The following ADCY2 variants were observed in gnomAD, a reference collection of about 807,000 sequenced individuals.
The protein encoded by ADCY2 is adenylate cyclase type 2.
Under a neutral mutation model 125.2 loss-of-function variants are expected in ADCY2, and 31 were observed. The observed-to-expected ratio is 0.25, with a 90% confidence interval of 0.19 to 0.33. ADCY2 has a LOEUF of 0.33. ADCY2 is among the 10% of genes least tolerant of loss of function. The pLI is 1.00. For synonymous variants in ADCY2, 512 were observed against 548.4 expected, an observed-to-expected ratio of 0.93 and a Z score of 0.93; for missense variants, 904 against 1,418.2, an observed-to-expected ratio of 0.64 and a Z score of 5.82.
At chr5:7,429,417 C>T (rs1740508148) in intron 2 of ADCY2, among the ~76,000 whole-genome samples, 1 of 152,118 alleles carries the variant, frequency 6.6e-6, no homozygotes, top group African/African-American at 2.4e-5. Flanking sequence ...ACAAGTTGAC[C>T]TAATTCATCT....
intron 15 of ADCY2, among the ~76,000 whole-genome samples, chr5:7,753,177 G>A (rs550715699): frequency 2.0e-5 from 3 of 152,242 alleles, no homozygotes; most frequent in South Asian, 2.1e-4. Flanking sequence ...GATTACAGGC[G>A]TGAGCCACAG....
At chr5:7,507,327 G>A (rs1190665366) in intron 2 of ADCY2, among the ~76,000 whole-genome samples, 3 of 138,548 alleles carry the variant, frequency 2.2e-5, no homozygotes, top group Non-Finnish European at 1.6e-5. Context: ...TGTAGTCCCA[G>A]CTACTTGGGA....
intron 3 of ADCY2, among the ~76,000 whole-genome samples, chr5:7,596,525 A>C (rs1264021952): frequency 1.3e-5 from 2 of 152,214 alleles, no homozygotes; most frequent in Non-Finnish European, 2.9e-5. Flanking sequence ...TAATTCCCTC[A>C]TCTGAGGCAA....
Position 7,804,069 on chromosome 5 carries a change from A to AGAGAGC in ADCY2, c.2776-515_2776-510dup, listed in dbSNP as rs1553990878. ...GAGAGAGAGAGAGAGAGAGAGAGAG[A>AGAGAGC]GAGAGCTGGTTTCTCTTCCTAATAC... On this transcript the variant is annotated intron_variant, in intron 21 of 24. Transcript: ENST00000338316. Among the ~76,000 whole-genome samples the AGAGAGC allele has an allele frequency of 2.0e-3, 278 of 140,408 alleles. 2 individuals are homozygous for AGAGAGC. Among genetic ancestry groups the AGAGAGC allele is most frequent in the African/African-American group, 3.0e-3 (111 of 37,106 alleles). The allele number at this position is 140,408 out of a possible 152,430, so 92.1% of individuals were successfully genotyped here. A position where few individuals can be genotyped will look rare whatever the true frequency, so the allele number is the denominator to read the frequency against.
At chr5:7,589,379 C>G in intron 3 of ADCY2, among the ~76,000 whole-genome samples, 1 of 42,832 alleles carries the variant, frequency 2.3e-5, no homozygotes, top group South Asian at 8.1e-4. Flanking sequence ...TGTCCACTGG[C>G]AAAAAAAAAG....
intron 3 of ADCY2, among the ~76,000 whole-genome samples, chr5:7,602,704 A>G (rs1473413298): frequency 6.6e-6 from 1 of 152,148 alleles, no homozygotes; most frequent in Non-Finnish European, 1.5e-5. Context: ...TGCCACATAC[A>G]TAGCTTTTGT....
chr5:7,549,101 T>C (rs1041705634), intron 3 of ADCY2, among the ~76,000 whole-genome samples: 1 of 152,232 alleles, frequency 6.6e-6, no homozygotes, highest in Non-Finnish European at 1.5e-5. Flanking sequence ...CATTTTCTTC[T>C]AGTTCTTACA....
At chr5:7,678,263 G>A (rs1191225948) in intron 4 of ADCY2, among the ~76,000 whole-genome samples, 8 of 152,084 alleles carry the variant, frequency 5.3e-5, no homozygotes. Flanking sequence ...TGGGCCACAT[G>A]TCTTCTGTCA....
intron 3 of ADCY2, among the ~76,000 whole-genome samples, chr5:7,603,950 A>C: frequency 1.4e-5 from 1 of 70,826 alleles, no homozygotes; most frequent in East Asian, 4.4e-4. Context: ...ATATCTCCCA[A>C]TGCTATCCCT....
chr5:7,632,895 T>A (rs1738365219), intron 4 of ADCY2, among the ~76,000 whole-genome samples: 1 of 152,136 alleles, frequency 6.6e-6, no homozygotes, highest in Non-Finnish European at 1.5e-5. Context: ...GTCCTTTAGT[T>A]AGAATGGTTG....
At chr5:7,624,996 C>G (rs550440348) in intron 3 of ADCY2, among the ~76,000 whole-genome samples, 4 of 152,272 alleles carry the variant, frequency 2.6e-5, no homozygotes, top group South Asian at 4.1e-4. Context: ...CTAAAAAGAC[C>G]ATTGTCATAC....
chr5:7,419,398 A>T (rs1038570949), intron 2 of ADCY2, among the ~76,000 whole-genome samples: 5 of 152,156 alleles, frequency 3.3e-5, no homozygotes, highest in Admixed American at 3.3e-4. Context: ...CTCTCTGTGG[A>T]GTCATGGCTG....
intron 2 of ADCY2, among the ~76,000 whole-genome samples, chr5:7,508,732 G>A (rs188597101): frequency 6.6e-6 from 1 of 152,320 alleles, no homozygotes; most frequent in Non-Finnish European, 1.5e-5. Flanking sequence ...AGAAGGAACT[G>A]TGGTCTGATC....
Position 7,517,350 on chromosome 5 carries a change from T to C in ADCY2, c.409-3388T>C, listed in dbSNP as rs148472182. On this transcript the variant is annotated intron_variant, in intron 2 of 24. Coordinates refer to ENST00000338316, the MANE Select transcript of ADCY2 (RefSeq NM_020546.3). ...CATGGTAACATGGAAACCCAAGAGA[T>C]AGCATTCGACTATCTGGAGCTTTTT... is the stretch of plus-strand genomic sequence containing the variant. Among the ~76,000 whole-genome samples, 720 of 152,342 alleles carry C rather than the reference T, an allele frequency of 4.7e-3. 10 individuals carry two copies. In the South Asian group the frequency reaches 0.048, roughly 10 times the overall value.
chr5:7,690,993 C>A (rs1740684834), intron 5 of ADCY2, 154 bp downstream of exon 5: 1 of 817,694 alleles, frequency 1.2e-6, no homozygotes, highest in Non-Finnish European at 1.7e-6. Context: ...ATCCCACTCA[C>A]CTGTTCCTGC....
At chr5:7,510,883 T>C (rs1225351872) in intron 2 of ADCY2, among the ~76,000 whole-genome samples, 1 of 152,226 alleles carries the variant, frequency 6.6e-6, no homozygotes, top group Non-Finnish European at 1.5e-5. Flanking sequence ...TCTGCTTTGT[T>C]ACTGCAAAGA....
chr5:7,517,518 G>C (rs995614209), intron 2 of ADCY2, among the ~76,000 whole-genome samples: 9 of 152,140 alleles, frequency 5.9e-5, no homozygotes, highest in African/African-American at 2.2e-4. Context: ...TATGGGACTC[G>C]AAGCTGCAGT....
chr5:7,420,671 TA>T (rs757503788), intron 2 of ADCY2, among the ~76,000 whole-genome samples: 2 of 152,186 alleles, frequency 1.3e-5, no homozygotes, highest in Non-Finnish European at 2.9e-5. Context: ...AAAACTCTTT[TA>T]AAACAATATA....
intron 3 of ADCY2, 47 bp downstream of exon 3, chr5:7,520,946 C>T: frequency 6.2e-7 from 1 of 1,606,890 alleles, no homozygotes. Flanking sequence ...CACATCCCAC[C>T]AGGGGGTGAG....
Sources: gnomAD v4.1 joint callset for allele counts (sites outside exome capture counted in the v4.1 genomes callset) on GRCh38, gnomAD v4.1.1 for gene constraint, MANE v1.5 for transcripts, NCBI Gene and HGNC (gene_info 2026-07-23, HGNC 2026-07-21) for gene names.